The following CADM2 variants were observed in gnomAD, a reference collection of about 807,000 sequenced individuals.
CADM2 encodes the protein cell adhesion molecule 2.
In CADM2, 12 loss-of-function variants were observed where a neutral mutation model predicts 49.8. That is an observed-to-expected ratio of 0.24 (90% confidence interval 0.15 to 0.39). CADM2 has a LOEUF of 0.39. Ranked by LOEUF, CADM2 falls within the 10% of genes least tolerant of loss-of-function variation. The pLI is 1.00. For missense variants in CADM2, 378 were observed against 492.3 expected, an observed-to-expected ratio of 0.77 and a Z score of 2.20; for synonymous variants, 214 against 175.4, an observed-to-expected ratio of 1.22 and a Z score of -1.74.
intron 8 of CADM2, among the ~76,000 whole-genome samples, chr3:86,039,174 A>T (rs201071371): frequency 6.6e-6 from 1 of 152,100 alleles, no homozygotes; most frequent in East Asian, 1.9e-4. Context: ...TGCATGTCCA[A>T]CTGTGGTACT....
chr3:86,059,107 A>T (rs1738329975), intron 8 of CADM2, among the ~76,000 whole-genome samples: 1 of 151,834 alleles, frequency 6.6e-6, no homozygotes, highest in African/African-American at 2.4e-5. Flanking sequence ...AAAAAAAAAA[A>T]AAAAAATTCC....
At chr3:85,301,894 A>T (rs2044110321) in intron 1 of CADM2, among the ~76,000 whole-genome samples, 1 of 152,012 alleles carries the variant, frequency 6.6e-6, no homozygotes. Flanking sequence ...ACTTCAGAAA[A>T]ATTTTTAAAA....
chr3:85,443,350 T>C (rs2037297968), intron 1 of CADM2, among the ~76,000 whole-genome samples: 1 of 152,150 alleles, frequency 6.6e-6, no homozygotes, highest in Admixed American at 6.6e-5. Context: ...CTCATACTCA[T>C]CAAACCAATA....
At chr3:85,421,485 C>G (rs1044534022) in intron 1 of CADM2, among the ~76,000 whole-genome samples, 11 of 152,152 alleles carry the variant, frequency 7.2e-5, no homozygotes, top group Non-Finnish European at 1.6e-4. Context: ...GGATGGGAAA[C>G]ATTCACTCTC....
rs192752209 is a variant in CADM2, at chr3:85,807,949, G to A, written c.238+5753G>A. Among the ~76,000 whole-genome samples the A allele has an allele frequency of 2.5e-3, 379 of 152,262 alleles. 1 individual carries two copies. The highest frequency in any genetic ancestry group is 8.5e-3 in the African/African-American group (352 of 41,570). ...GGGGGACATTGTGGCACAGGAGACA[G>A]AGAGTCAGATCTGAATTTAAATTCT... On this transcript the variant is annotated intron_variant, in intron 3 of 9. Transcript: ENST00000383699.
intron 1 of CADM2, among the ~76,000 whole-genome samples, chr3:85,374,100 G>C (rs1002910099): frequency 3.3e-5 from 5 of 151,820 alleles, no homozygotes; most frequent in African/African-American, 1.2e-4. Flanking sequence ...TGCATCATCA[G>C]GCTGCAAATC....
At chr3:85,372,771 A>C (rs2033344107) in intron 1 of CADM2, among the ~76,000 whole-genome samples, 1 of 152,182 alleles carries the variant, frequency 6.6e-6, no homozygotes, top group Non-Finnish European at 1.5e-5. Context: ...TCATGGCAGA[A>C]GGTAAAGGAG....
intron 6 of CADM2, among the ~76,000 whole-genome samples, chr3:85,928,042 C>G (rs950635490): frequency 6.6e-6 from 1 of 152,084 alleles, no homozygotes; most frequent in African/African-American, 2.4e-5. Flanking sequence ...ATAGAAAATC[C>G]ATTCTGCTGG....
intron 1 of CADM2, among the ~76,000 whole-genome samples, chr3:85,657,348 G>GT (rs2065232996): frequency 6.6e-6 from 1 of 151,988 alleles, no homozygotes; most frequent in African/African-American, 2.4e-5. Context: ...ATTAAATTAA[G>GT]TAATACATTT....
chr3:85,692,814 C>T (rs1448147025), intron 1 of CADM2, among the ~76,000 whole-genome samples: 6 of 152,162 alleles, frequency 3.9e-5, no homozygotes, highest in Non-Finnish European at 8.8e-5. Flanking sequence ...AACACTTATC[C>T]AATTCTTATT....
At chr3:86,040,512 G>T (rs991341008) in intron 8 of CADM2, among the ~76,000 whole-genome samples, 1 of 152,126 alleles carries the variant, frequency 6.6e-6, no homozygotes, top group Non-Finnish European at 1.5e-5. Context: ...ATTAAATGAA[G>T]CGAGAAGAGA....
intron 1 of CADM2, among the ~76,000 whole-genome samples, chr3:85,226,423 G>A (rs2042162221): frequency 6.6e-6 from 1 of 152,058 alleles, no homozygotes; most frequent in Non-Finnish European, 1.5e-5. Flanking sequence ...GGTGTTTATG[G>A]TATTCTCTGA....
At chr3:85,822,311 C>T (rs749737117) in intron 3 of CADM2, among the ~76,000 whole-genome samples, 1 of 152,032 alleles carries the variant, frequency 6.6e-6, no homozygotes, top group Non-Finnish European at 1.5e-5. Flanking sequence ...GGGCCAGGTG[C>T]GGTGGCTCAT....
chr3:85,833,986 C>G (rs1047330937), intron 3 of CADM2, among the ~76,000 whole-genome samples: 1 of 151,514 alleles, frequency 6.6e-6, no homozygotes, highest in East Asian at 1.9e-4. Flanking sequence ...TCTTCCAATC[C>G]ATGTACATGG....
chr3:85,414,225 C>T (rs144625326), intron 1 of CADM2, among the ~76,000 whole-genome samples: 9 of 152,172 alleles, frequency 5.9e-5, no homozygotes, highest in African/African-American at 9.6e-5. Flanking sequence ...CTGTTCTTTA[C>T]GATATCTCTT....
At chr3:85,871,973 A>T (rs1030655793) in intron 3 of CADM2, among the ~76,000 whole-genome samples, 1 of 152,158 alleles carries the variant, frequency 6.6e-6, no homozygotes, top group South Asian at 2.1e-4. Flanking sequence ...TTATTTTCAA[A>T]TCGTGTATTT....
chr3:85,033,446 T>C lies in CADM2; in HGVS notation c.61+73778T>C, dbSNP rs7647977. Among the ~76,000 whole-genome samples the C allele has an allele frequency of 4.6e-3, 696 of 152,310 alleles. 4 individuals are homozygous for C. Among genetic ancestry groups the C allele is most frequent in the African/African-American group, 0.016 (670 of 41,568 alleles). On this transcript the variant is annotated intron_variant, in intron 1 of 9. Coordinates refer to ENST00000383699, the MANE Select transcript of CADM2 (RefSeq NM_001167675.2). Reference sequence around the variant, plus strand: ...AATTAAGTTGTTAGGTGTGTTGAAATATACCCAAGACAAGCATTATCCCCT... The same window carrying C: ...AATTAAGTTGTTAGGTGTGTTGAAACATACCCAAGACAAGCATTATCCCCT...
chr3:85,045,214 A>C (rs1314009569), intron 1 of CADM2, among the ~76,000 whole-genome samples: 1 of 152,168 alleles, frequency 6.6e-6, no homozygotes, highest in African/African-American at 2.4e-5. Context: ...TATGCTATTA[A>C]TGTGGCGCAA....
chr3:85,091,835 G>C (rs2037608876), intron 1 of CADM2, among the ~76,000 whole-genome samples: 1 of 151,974 alleles, frequency 6.6e-6, no homozygotes, highest in African/African-American at 2.4e-5. Flanking sequence ...ATAAAATATG[G>C]TTATAGTGCT....
Sources: allele counts gnomAD v4.1 joint callset (sites outside exome capture counted in the v4.1 genomes callset), GRCh38; gene constraint gnomAD v4.1.1; transcripts MANE v1.5; gene names NCBI Gene and HGNC (gene_info 2026-07-23, HGNC 2026-07-21).